The following FSHR variants were observed in gnomAD, a reference collection of about 807,000 sequenced individuals.
FSHR encodes follicle stimulating hormone receptor.
A neutral mutation model predicts 52.1 loss-of-function variants in FSHR; 46 were observed. The observed-to-expected ratio is 0.88, with a 90% CI of 0.70 to 1.13. The LOEUF is 1.13. FSHR is among the 50% of genes most tolerant of loss of function. The pLI is 0.00. For missense variants in FSHR, 964 were observed against 834.6 expected (o/e 1.16, Z -1.91); for synonymous variants, 399 against 309.6 (o/e 1.29, Z -3.03).
In FSHR at chr2:49,013,903, G is replaced by A. The variant is rs116630450; in HGVS notation, c.374+3586C>T. On this transcript the variant is annotated intron_variant, in intron 4 of 9. Coordinates refer to ENST00000406846, the MANE Select transcript of FSHR (RefSeq NM_000145.4). ...GCAAGACCCTCACAATAGGATGAAT[G>A]CCCTTACAAAAAGAGGAAGAGACAT... Among the ~76,000 whole-genome samples, 1,426 of 152,122 alleles carry A rather than the reference G, an allele frequency of 9.4e-3. 10 individuals are homozygous for A. Among genetic ancestry groups the A allele is most frequent in the Non-Finnish European group, 0.014 (971 of 67,970 alleles).
chr2:49,102,365 A>G (rs1292418428), intron 1 of FSHR, among the ~76,000 whole-genome samples: 8 of 152,158 alleles, frequency 5.3e-5, no homozygotes. Context: ...AAGTTCATCA[A>G]GGGAGTCTAA....
chr2:49,021,863 C>CTCTCTCTCTCTCTATATA (rs1467766420), intron 2 of FSHR, among the ~76,000 whole-genome samples: 4 of 49,870 alleles, frequency 8.0e-5, no homozygotes, highest in South Asian at 1.0e-3. Flanking sequence ...CTCTCTCTCT[C>CTCTCTCTCTCTCTATATA]TATATATATA....
intron 9 of FSHR, 35 bp downstream of exon 9, chr2:48,968,663 G>T (rs750633460): frequency 6.2e-7 from 1 of 1,609,546 alleles, no homozygotes; most frequent in Non-Finnish European, 8.5e-7. Context: ...CTACATTGGG[G>T]AAATGCCTGA....
chr2:49,147,542 A>G (rs1672913441), intron 1 of FSHR, among the ~76,000 whole-genome samples: 1 of 152,054 alleles, frequency 6.6e-6, no homozygotes, highest in South Asian at 2.1e-4. Context: ...TATCATCACC[A>G]AGCAAGTGCA....
At chr2:49,083,432 T>C (rs1456078893) in intron 1 of FSHR, among the ~76,000 whole-genome samples, 1 of 150,006 alleles carries the variant, frequency 6.7e-6, no homozygotes, top group African/African-American at 2.5e-5. Context: ...AGAAACTGCA[T>C]CAACTGATGA....
At chr2:49,049,531 T>C (rs895267741) in intron 2 of FSHR, among the ~76,000 whole-genome samples, 1 of 152,016 alleles carries the variant, frequency 6.6e-6, no homozygotes, top group Non-Finnish European at 1.5e-5. Flanking sequence ...ATATTAGAGA[T>C]GAGAGATGTA....
At chr2:49,125,483 T>C (rs770449242) in intron 1 of FSHR, among the ~76,000 whole-genome samples, 2 of 152,212 alleles carry the variant, frequency 1.3e-5, no homozygotes, top group Non-Finnish European at 2.9e-5. Context: ...GTGTTCATTA[T>C]CAGTCATCTG....
At chr2:49,129,563 A>C (rs1672188585) in intron 1 of FSHR, among the ~76,000 whole-genome samples, 1 of 152,186 alleles carries the variant, frequency 6.6e-6, no homozygotes, top group African/African-American at 2.4e-5. Context: ...TTTTGTGTAC[A>C]AGACAGGGAA....
intron 6 of FSHR, among the ~76,000 whole-genome samples, chr2:48,987,331 G>A (rs1227472107): frequency 6.6e-6 from 1 of 151,998 alleles, no homozygotes; most frequent in Non-Finnish European, 1.5e-5. Context: ...ACCCTCCTGA[G>A]TAGAGGGGAT....
At chr2:49,035,161 G>A (rs2104266179) in intron 2 of FSHR, among the ~76,000 whole-genome samples, 2 of 152,308 alleles carry the variant, frequency 1.3e-5, no homozygotes, top group African/African-American at 4.8e-5. Context: ...GGATGGCTGT[G>A]TTAAACCATG....
At chr2:49,119,951 A>G (rs535080326) in intron 1 of FSHR, among the ~76,000 whole-genome samples, 2 of 152,300 alleles carry the variant, frequency 1.3e-5, no homozygotes, top group Admixed American at 1.3e-4. Flanking sequence ...TGGCAGGCAC[A>G]TAGTGGGCTC....
chr2:49,014,515 T>C (rs549785667), intron 4 of FSHR, among the ~76,000 whole-genome samples: 1 of 152,208 alleles, frequency 6.6e-6, no homozygotes, highest in South Asian at 2.1e-4. Context: ...AGCTGTGCTT[T>C]CCATGCCCAC....
At chr2:49,096,467 G>T (rs1670825620) in intron 1 of FSHR, among the ~76,000 whole-genome samples, 1 of 152,192 alleles carries the variant, frequency 6.6e-6, no homozygotes, top group Non-Finnish European at 1.5e-5. Context: ...AAGGAAATAG[G>T]CATTGATTGC....
At chr2:49,018,661 G>A (rs1201019644) in intron 3 of FSHR, among the ~76,000 whole-genome samples, 1 of 152,194 alleles carries the variant, frequency 6.6e-6, no homozygotes, top group Admixed American at 6.5e-5. Flanking sequence ...AGTGGAAAGA[G>A]AAGAAAGGAA....
intron 1 of FSHR, among the ~76,000 whole-genome samples, chr2:49,119,858 G>C (rs558356793): frequency 6.6e-6 from 1 of 152,200 alleles, no homozygotes; most frequent in Non-Finnish European, 1.5e-5. Flanking sequence ...TTGCCCATCT[G>C]CAAACTGGGA....
In FSHR at chr2:48,962,859, A is replaced by G. The variant is rs937425277; in HGVS notation, c.1962T>C (p.Tyr654=). The G allele has an allele frequency of 1.9e-6, 3 of 1,614,046 alleles. No individual in the cohort carries two copies. The African/African-American group carries it at 4.0e-5, about 22-fold the overall frequency. ...CGCYEMQAQI[Y]RTETSSTVHN... ...GGACAGTGGATGAAGTTTCTGTCCT[A>G]TAAATTTGGGCTTGCATTTCATAGC... Residue 654 remains tyrosine (Y), a synonymous_variant, in exon 10 of 10, where the codon TAT becomes TAC. Coordinates refer to ENST00000406846, the MANE Select transcript of FSHR (RefSeq NM_000145.4).
chr2:49,061,138 T>A (rs1281813356), intron 2 of FSHR, among the ~76,000 whole-genome samples: 1 of 152,062 alleles, frequency 6.6e-6, no homozygotes, highest in Non-Finnish European at 1.5e-5. Context: ...AGGGGGTGCC[T>A]CAGAGTCACA....
At chr2:49,021,863 C>CTCTATATATA (rs1467766420) in intron 2 of FSHR, among the ~76,000 whole-genome samples, 2 of 49,870 alleles carry the variant, frequency 4.0e-5, no homozygotes, top group South Asian at 1.0e-3. Context: ...CTCTCTCTCT[C>CTCTATATATA]TATATATATA....
At chr2:49,051,874 G>A (rs573118906) in intron 2 of FSHR, among the ~76,000 whole-genome samples, 3 of 152,076 alleles carry the variant, frequency 2.0e-5, no homozygotes, top group Non-Finnish European at 4.4e-5. Flanking sequence ...TGTATAACAT[G>A]AGGTAAGGGT....
Sources: gnomAD v4.1 joint callset for allele counts (sites outside exome capture counted in the v4.1 genomes callset) on GRCh38, gnomAD v4.1.1 for gene constraint, MANE v1.5 for transcripts, NCBI Gene and HGNC (gene_info 2026-07-23, HGNC 2026-07-21) for gene names.